Variants in TRPC6 observed in about 807,000 individuals in gnomAD.
TRPC6 encodes the protein transient receptor potential cation channel subfamily C member 6.
A neutral mutation model predicts 90.7 loss-of-function variants in TRPC6; 55 were observed. The ratio of observed to expected loss-of-function variants is 0.61; its 90% CI spans 0.49 to 0.76. TRPC6 has a LOEUF of 0.76. Among genes scored for constraint, TRPC6 ranks in the 30% least tolerant of loss-of-function variants. The pLI is 0.00. For missense variants in TRPC6, 989 were observed against 1,122.7 expected, an observed-to-expected ratio of 0.88 and a Z score of 1.70; for synonymous variants, 393 against 393.0, an observed-to-expected ratio of 1.00 and a Z score of 0.00.
intron 1 of TRPC6, among the ~76,000 whole-genome samples, chr11:101,558,032 C>A (rs1201881622): frequency 1.3e-5 from 2 of 151,726 alleles, no homozygotes; most frequent in Admixed American, 6.6e-5. Context: ...AAAAACAGTC[C>A]TAAAATTCAT....
intron 10 of TRPC6, among the ~76,000 whole-genome samples, chr11:101,466,259 T>G (rs945792765): frequency 6.6e-6 from 1 of 152,236 alleles, no homozygotes; most frequent in Admixed American, 6.5e-5. Context: ...GCTGCTCTTT[T>G]CAGAGCCGCC....
chr11:101,519,076 T>C (rs1860590309), intron 1 of TRPC6, among the ~76,000 whole-genome samples: 1 of 152,106 alleles, frequency 6.6e-6, no homozygotes, highest in East Asian at 1.9e-4. Flanking sequence ...GAGTTGGGGA[T>C]GGTTAAGGGT....
intron 6 of TRPC6, among the ~76,000 whole-genome samples, chr11:101,475,418 G>C (rs193237891): frequency 2.6e-5 from 4 of 152,050 alleles, no homozygotes; most frequent in Admixed American, 2.6e-4. Context: ...TTACATTTTT[G>C]TGGTAAGAAC....
intron 1 of TRPC6, among the ~76,000 whole-genome samples, chr11:101,563,879 T>C (rs757880770): frequency 1.3e-4 from 20 of 152,194 alleles, no homozygotes; most frequent in Admixed American, 7.9e-4. Flanking sequence ...TTTTCCTTCT[T>C]TGTTCCATTT....
chr11:101,492,309 T>G (rs1312608644), intron 2 of TRPC6, among the ~76,000 whole-genome samples: 1 of 151,974 alleles, frequency 6.6e-6, no homozygotes, highest in East Asian at 1.9e-4. Flanking sequence ...GCTGGCCGGG[T>G]GTGTTGGCTC....
At chr11:101,489,166 T>A in intron 3 of TRPC6, 65 bp from the exon 4 acceptor site, 2 of 1,400,820 alleles carry the variant, frequency 1.4e-6, no homozygotes, top group Admixed American at 3.4e-5. Context: ...ACGATTTTCA[T>A]GTGTTCTAAT....
At chr11:101,543,579 ACACAT>A (rs1435234344) in intron 1 of TRPC6, among the ~76,000 whole-genome samples, 2 of 152,068 alleles carry the variant, frequency 1.3e-5, no homozygotes, top group Non-Finnish European at 2.9e-5. Flanking sequence ...AGAAATAACC[ACACAT>A]CTGCAACCAT....
intron 1 of TRPC6, chr11:101,583,093 G>T: frequency 1.1e-6 from 1 of 887,760 alleles, no homozygotes; most frequent in Non-Finnish European, 1.3e-6. Context: ...CACTCTCGTG[G>T]GCAAACATAT....
intron 10 of TRPC6, among the ~76,000 whole-genome samples, chr11:101,456,163 G>C (rs1400297855): frequency 6.6e-6 from 1 of 152,000 alleles, no homozygotes; most frequent in Admixed American, 6.6e-5. Flanking sequence ...AGGCAGTTTA[G>C]GTTCCCAAAA....
intron 10 of TRPC6, among the ~76,000 whole-genome samples, chr11:101,463,859 G>A (rs1215880382): frequency 6.6e-6 from 1 of 152,106 alleles, no homozygotes; most frequent in Non-Finnish European, 1.5e-5. Context: ...TTTTGAATTT[G>A]TTTGCTCTTG....
At chr11:101,454,069 C>T (rs553892152) in intron 11 of TRPC6, among the ~76,000 whole-genome samples, 103 of 152,144 alleles carry the variant, frequency 6.8e-4, no homozygotes, top group African/African-American at 2.1e-3. Flanking sequence ...CACTACTGCT[C>T]GTGGAAATGG....
intron 2 of TRPC6, among the ~76,000 whole-genome samples, chr11:101,503,199 C>T (rs572636076): frequency 6.6e-6 from 1 of 152,178 alleles, no homozygotes; most frequent in African/African-American, 2.4e-5. Flanking sequence ...ATCCTCTCCA[C>T]GTGGAGCACA....
chr11:101,583,658 C>A lies in TRPC6; in HGVS notation c.-155G>T, dbSNP rs1862256925. The A allele has an allele frequency of 1.3e-6, 1 of 772,734 alleles. No individual in the cohort carries two copies. The highest frequency in any genetic ancestry group is 2.8e-5 in the South Asian group (1 of 35,574). The allele number at this position is 772,734 out of a possible 1,614,324, so 47.9% of individuals were successfully genotyped here. On this transcript the variant is annotated 5_prime_UTR_variant, in exon 1 of 13. Coordinates refer to ENST00000344327, the MANE Select transcript of TRPC6 (RefSeq NM_004621.6). ...GACGGTGAAGCAGGGGGTGCAGACGCCCGCCGCAAGTGGCTCGCCCACTGG... is the reference window on the plus strand; with the variant it reads ...GACGGTGAAGCAGGGGGTGCAGACGACCGCCGCAAGTGGCTCGCCCACTGG...
intron 1 of TRPC6, among the ~76,000 whole-genome samples, chr11:101,541,244 G>T (rs4331057): frequency 0.63 from 96,325 of 151,762 alleles, 30,923 homozygotes; most frequent in South Asian, 0.77. Flanking sequence ...TATCCAAAAT[G>T]TTTAAACTCA....
intron 1 of TRPC6, among the ~76,000 whole-genome samples, chr11:101,557,707 T>C (rs1020779597): frequency 2.0e-5 from 3 of 152,064 alleles, no homozygotes; most frequent in African/African-American, 7.2e-5. Flanking sequence ...CAGTAACATT[T>C]CTATACACTA....
At chr11:101,576,849 G>C (rs1039267577) in intron 1 of TRPC6, among the ~76,000 whole-genome samples, 6 of 152,142 alleles carry the variant, frequency 3.9e-5, no homozygotes, top group Non-Finnish European at 8.8e-5. Flanking sequence ...TTTTGTTACA[G>C]AATAAATGTG....
At chr11:101,508,313 C>G (rs1207214825) in intron 1 of TRPC6, among the ~76,000 whole-genome samples, 5 of 152,042 alleles carry the variant, frequency 3.3e-5, no homozygotes, top group African/African-American at 9.7e-5. Context: ...CTTATAATGT[C>G]TTTTCTAAGA....
intron 10 of TRPC6, among the ~76,000 whole-genome samples, chr11:101,463,723 T>C (rs7109734): frequency 0.31 from 47,132 of 151,740 alleles, 9,489 homozygotes; most frequent in African/African-American, 0.58. Context: ...GCCTGGCTAG[T>C]GGTCTATTTT....
rs571374840 is a variant in TRPC6 at position 101,561,789 on chromosome 11, T to G, written c.170+21545A>C. 4.0e-5 allele frequency among the ~76,000 whole-genome samples: 6 copies of G among 151,300 alleles called. No homozygotes were observed. In the East Asian group the frequency reaches 1.2e-3, roughly 29 times the overall value. ...ATAAGCAAGCATAGTATGACCCCATTAAAAATATATGTAATATAGATAGAA... is the reference window on the plus strand; with the variant it reads ...ATAAGCAAGCATAGTATGACCCCATGAAAAATATATGTAATATAGATAGAA... On this transcript the variant is annotated intron_variant, in intron 1 of 12. Transcript: ENST00000344327.
Sources: allele counts gnomAD v4.1 joint callset (sites outside exome capture counted in the v4.1 genomes callset), GRCh38; gene constraint gnomAD v4.1.1; transcripts MANE v1.5; gene names NCBI Gene and HGNC (gene_info 2026-07-23, HGNC 2026-07-21).